MGRN1: variants seen among roughly 807,000 people sequenced by gnomAD.
The protein encoded by MGRN1 is mahogunin ring finger 1, also known as E3 ubiquitin-protein ligase MGRN1.
Under a neutral mutation model 69.2 loss-of-function variants are expected in MGRN1, and 29 were observed. That is an observed-to-expected ratio of 0.42 (90% CI 0.31 to 0.57). The LOEUF (loss-of-function observed/expected upper bound fraction) is 0.57. Ranked by LOEUF, MGRN1 falls within the 20% of genes least tolerant of loss-of-function variation. MGRN1 has a pLI of 0.15. For synonymous variants in MGRN1, 470 were observed against 344.2 expected (o/e 1.37, Z -4.04); for missense variants, 998 against 796.2 (o/e 1.25, Z -3.05).
chr16:4,682,598 G>C lies in MGRN1; in HGVS notation c.1359-225G>C, dbSNP rs141183897. On this transcript the variant is annotated intron_variant, in intron 13 of 16. Transcript: ENST00000262370. ...GAAAAGGAAGGCTAGGCCCGTGCCAGTGTGTCGGGAGCCCCTCTGTCGGGC... is the reference window on the plus strand; with the variant it reads ...GAAAAGGAAGGCTAGGCCCGTGCCACTGTGTCGGGAGCCCCTCTGTCGGGC... Among the ~76,000 whole-genome samples, 583 of 149,098 alleles carry C rather than the reference G, an allele frequency of 3.9e-3. 6 individuals are homozygous for C. Among genetic ancestry groups the C allele is most frequent in the African/African-American group, 0.013 (555 of 41,316 alleles).
chr16:4,647,391 A>G (rs762214636), intron 1 of MGRN1, among the ~76,000 whole-genome samples: 1 of 152,202 alleles, frequency 6.6e-6, no homozygotes, highest in African/African-American at 2.4e-5. Flanking sequence ...GTGTATTTCA[A>G]TGTGGTGGGG....
chr16:4,685,390 A>G (rs2079287597), intron 16 of MGRN1, among the ~76,000 whole-genome samples: 1 of 152,234 alleles, frequency 6.6e-6, no homozygotes, highest in Non-Finnish European at 1.5e-5. Flanking sequence ...CAGGACTCCG[A>G]GTCTCATGCC....
At position 4,686,839 on chromosome 16, in the gene MGRN1, T is replaced by G. The variant is rs891683354; in HGVS notation, c.1619-1957T>G. ...CCACTCCCGTGTTCCGGTCGTGGCT[T>G]TAACAATTCATGGGGAAAGAATGCG... On this transcript the variant is annotated intron_variant, in intron 16 of 16. Transcript: ENST00000262370. The G allele has an allele frequency of 4.1e-5, 40 of 985,946 alleles. No individual in the cohort carries two copies. In the African/African-American group the frequency reaches 6.5e-4, roughly 16 times the overall value. The allele number at this position is 985,946 out of a possible 1,614,324, so 61.1% of individuals were successfully genotyped here. A position where few individuals can be genotyped will look rare whatever the true frequency, so the allele number is the denominator to read the frequency against.
intron 5 of MGRN1, 99 bp downstream of exon 5, chr16:4,657,462 C>T (rs1331555229): frequency 5.8e-6 from 7 of 1,207,120 alleles, no homozygotes; most frequent in Non-Finnish European, 8.5e-6. Context: ...TTGGCTTCCT[C>T]CAGGGTTCAT....
chr16:4,643,711 A>G (rs72770331), intron 1 of MGRN1, among the ~76,000 whole-genome samples: 10,106 of 152,230 alleles, frequency 0.066, 433 homozygotes, highest in Middle Eastern at 0.12. Flanking sequence ...TGCAACCAAA[A>G]TATGCGCACC....
chr16:4,630,522 C>G (rs1351291446), intron 1 of MGRN1, among the ~76,000 whole-genome samples: 1 of 151,628 alleles, frequency 6.6e-6, no homozygotes, highest in Non-Finnish European at 1.5e-5. Flanking sequence ...ATGATCTTAG[C>G]TCACTGCAGC....
intron 4 of MGRN1, among the ~76,000 whole-genome samples, chr16:4,656,935 C>T (rs959591851): frequency 6.6e-6 from 1 of 151,520 alleles, no homozygotes; most frequent in Admixed American, 6.6e-5. Context: ...ATAAACAAAC[C>T]AACTTAGCAC....
chr16:4,649,594 C>CA (rs1477005545), intron 1 of MGRN1: 2 of 152,412 alleles, frequency 1.3e-5, no homozygotes, highest in Admixed American at 6.5e-5. Flanking sequence ...AAGAACCAGT[C>CA]ACTGGATTTA....
At chr16:4,631,715 C>G (rs576398414) in intron 1 of MGRN1, among the ~76,000 whole-genome samples, 1 of 152,244 alleles carries the variant, frequency 6.6e-6, no homozygotes, top group South Asian at 2.1e-4. Context: ...ATGCTAAGTT[C>G]TTTGCATTTC....
chr16:4,641,515 CTTT>C (rs542014508), intron 1 of MGRN1, among the ~76,000 whole-genome samples: 166 of 135,348 alleles, frequency 1.2e-3, no homozygotes, highest in South Asian at 1.9e-3. Flanking sequence ...TGCCTGGCTA[CTTT>C]TTTTTTTTTT....
At chr16:4,682,193 G>A (rs958315797) in intron 13 of MGRN1, among the ~76,000 whole-genome samples, 1 of 152,224 alleles carries the variant, frequency 6.6e-6, no homozygotes, top group African/African-American at 2.4e-5. Context: ...ACCTGACAGT[G>A]ACCCAGGCAC....
chr16:4,637,511 G>T (rs1359106897), intron 1 of MGRN1, among the ~76,000 whole-genome samples: 1 of 152,176 alleles, frequency 6.6e-6, no homozygotes, highest in Non-Finnish European at 1.5e-5. Context: ...TTTTATTATG[G>T]TTTTAATTCT....
intron 1 of MGRN1, 33 bp from the exon 2 acceptor site, chr16:4,650,332 A>G (rs1359052005): frequency 3.9e-6 from 6 of 1,550,038 alleles, no homozygotes; most frequent in Non-Finnish European, 5.3e-6. Context: ...AAAAAAAAAA[A>G]AAATCTATAA....
At chr16:4,683,772 C>G (rs1596319082) in intron 15 of MGRN1, 71 bp from the exon 16 acceptor site, 7 of 1,396,542 alleles carry the variant, frequency 5.0e-6, no homozygotes, top group Non-Finnish European at 7.0e-6. Context: ...GAGAGACGGC[C>G]TCCTGCCCAG....
chr16:4,682,224 G>T (rs963726846), intron 13 of MGRN1, among the ~76,000 whole-genome samples: 1 of 152,212 alleles, frequency 6.6e-6, no homozygotes, highest in Non-Finnish European at 1.5e-5. Context: ...CTTGCCGTTC[G>T]CCCGTGACGA....
chr16:4,663,365 GTT>G (rs1183914569), intron 5 of MGRN1, among the ~76,000 whole-genome samples: 1,453 of 61,790 alleles, frequency 0.024, 7 homozygotes, highest in Non-Finnish European at 0.034. Flanking sequence ...ACCTGGCCTT[GTT>G]TTTTTTTTTT....
At chr16:4,674,967 A>G (rs1319671839) in intron 10 of MGRN1, among the ~76,000 whole-genome samples, 20 of 151,066 alleles carry the variant, frequency 1.3e-4, no homozygotes. Flanking sequence ...TTAATTACTT[A>G]CTTTTATTTA....
At chr16:4,677,325 A>AT in intron 10 of MGRN1, 138 bp from the exon 11 acceptor site, 1 of 481,176 alleles carries the variant, frequency 2.1e-6, no homozygotes, top group Non-Finnish European at 3.5e-6. Flanking sequence ...AGAAAAAAAA[A>AT]AGACCGTTGT....
At chr16:4,683,961 G>T in intron 16 of MGRN1, 29 bp downstream of exon 16, 3 of 1,222,110 alleles carry the variant, frequency 2.5e-6, no homozygotes, top group South Asian at 2.6e-5. Context: ...GGGGGTGAGG[G>T]GCTGGGTGCC....
Sources: allele counts gnomAD v4.1 joint callset (sites outside exome capture counted in the v4.1 genomes callset), GRCh38; gene constraint gnomAD v4.1.1; transcripts MANE v1.5; gene names NCBI Gene and HGNC (gene_info 2026-07-23, HGNC 2026-07-21).